XPO7: variants seen among roughly 807,000 people sequenced by gnomAD.
XPO7 encodes exportin-7.
In XPO7, 21 loss-of-function variants were observed where a neutral mutation model predicts 144.3. The ratio of observed to expected loss-of-function variants is 0.15; its 90% CI spans 0.10 to 0.21. XPO7 has a LOEUF of 0.21. XPO7 is among the 10% of genes least tolerant of loss of function. The pLI, the probability that XPO7 is intolerant of heterozygous loss-of-function variation, is 1.00. For missense variants in XPO7, 808 were observed against 1,325.8 expected, an observed-to-expected ratio of 0.61 and a Z score of 6.06; for synonymous variants, 580 against 499.6, an observed-to-expected ratio of 1.16 and a Z score of -2.15.
At chr8:21,927,783 G>A (rs980484634) in intron 1 of XPO7, among the ~76,000 whole-genome samples, 2 of 152,074 alleles carry the variant, frequency 1.3e-5, no homozygotes, top group African/African-American at 4.8e-5. Flanking sequence ...GACCTCAGGT[G>A]ATCCTCCTGT....
At chr8:21,959,946 A>C (rs1413360381) in intron 1 of XPO7, among the ~76,000 whole-genome samples, 3 of 152,204 alleles carry the variant, frequency 2.0e-5, no homozygotes, top group African/African-American at 7.2e-5. Context: ...CTTGTGTTTT[A>C]ACCGAATTTG....
chr8:21,976,074 A>G (rs1050577227), intron 6 of XPO7, among the ~76,000 whole-genome samples: 1 of 152,220 alleles, frequency 6.6e-6, no homozygotes, highest in Admixed American at 6.5e-5. Context: ...CTCTGTGACC[A>G]TTATGTCTAC....
chr8:21,933,634 T>C (rs976297398), intron 1 of XPO7, among the ~76,000 whole-genome samples: 1 of 152,214 alleles, frequency 6.6e-6, no homozygotes, highest in Non-Finnish European at 1.5e-5. Context: ...TTTATTTATA[T>C]GGTGAGTCTA....
chr8:21,947,189 A>G (rs913556256), intron 1 of XPO7, among the ~76,000 whole-genome samples: 8 of 152,242 alleles, frequency 5.3e-5, no homozygotes, highest in African/African-American at 1.9e-4. Context: ...CAAAGCCAAA[A>G]TAAGGGACAG....
chr8:21,943,107 A>G (rs1314949404), intron 1 of XPO7, among the ~76,000 whole-genome samples: 1 of 152,098 alleles, frequency 6.6e-6, no homozygotes, highest in East Asian at 1.9e-4. Flanking sequence ...GCTCTTACAG[A>G]CCTCCTAAGT....
At chr8:21,978,396 G>A (rs900778) in intron 8 of XPO7, among the ~76,000 whole-genome samples, 31,842 of 152,124 alleles carry the variant, frequency 0.21, 4,849 homozygotes, top group African/African-American at 0.43. Context: ...GTAAATTACC[G>A]GTTGGTGTTA....
chr8:21,987,003 A>T, intron 13 of XPO7, 138 bp from the exon 14 acceptor site: 1 of 1,229,392 alleles, frequency 8.1e-7, no homozygotes, highest in Non-Finnish European at 1.1e-6. Flanking sequence ...TGCCTCCCTC[A>T]TTTATGTAGA....
rs367884785 is a variant in XPO7, at chr8:21,984,845, T to A, written c.1471+6T>A. The A allele has an allele frequency of 3.1e-5, 50 of 1,613,092 alleles. No individual in the cohort carries two copies. Among genetic ancestry groups the A allele is most frequent in the Non-Finnish European group, 4.0e-5 (47 of 1,179,754 alleles). ...GGACATTGCAGTGCAGGAGGGTGAG[T>A]GTGCAGCGTGCTGGGAACTCTAGAC... On this transcript the variant is annotated splice_donor_region_variant and intron_variant, in intron 12 of 27. Coordinates refer to ENST00000252512, the MANE Select transcript of XPO7 (RefSeq NM_015024.5).
At chr8:21,954,757 T>C (rs1217120991) in intron 1 of XPO7, among the ~76,000 whole-genome samples, 1 of 152,226 alleles carries the variant, frequency 6.6e-6, no homozygotes, top group African/African-American at 2.4e-5. Context: ...CAGAACTTAA[T>C]GAAGTGAGTT....
At chr8:21,944,216 A>G (rs1811084225) in intron 1 of XPO7, among the ~76,000 whole-genome samples, 1 of 152,194 alleles carries the variant, frequency 6.6e-6, no homozygotes, top group African/African-American at 2.4e-5. Context: ...AGGTAAGGAC[A>G]TTCATTCAGT....
At chr8:21,981,958 T>A (rs999384650) in intron 10 of XPO7, 81 bp downstream of exon 10, 7 of 1,558,778 alleles carry the variant, frequency 4.5e-6, no homozygotes, top group East Asian at 4.5e-5. Context: ...AAGAATATAT[T>A]TTTTTTTCTT....
At chr8:22,004,758 T>C (rs977000086) in intron 27 of XPO7, among the ~76,000 whole-genome samples, 1 of 151,910 alleles carries the variant, frequency 6.6e-6, no homozygotes, top group Non-Finnish European at 1.5e-5. Context: ...CCTACTTCTG[T>C]CAGTGAGATT....
intron 1 of XPO7, among the ~76,000 whole-genome samples, chr8:21,943,630 G>A (rs10866827): frequency 0.58 from 87,896 of 151,970 alleles, 26,143 homozygotes; most frequent in African/African-American, 0.73. Context: ...ACAGAATCCT[G>A]TTTCTTCCCT....
intron 1 of XPO7, among the ~76,000 whole-genome samples, chr8:21,946,582 A>C (rs1186157526): frequency 3.9e-5 from 4 of 101,996 alleles, no homozygotes; most frequent in African/African-American, 1.8e-4. Flanking sequence ...CTGAAAAAAA[A>C]AAACAAAAAA....
At chr8:21,936,750 A>AT (rs1237290884) in intron 1 of XPO7, among the ~76,000 whole-genome samples, 5 of 152,168 alleles carry the variant, frequency 3.3e-5, no homozygotes, top group East Asian at 1.9e-4. Context: ...CCAAACTGGA[A>AT]TTTTTTTATC....
intron 1 of XPO7, among the ~76,000 whole-genome samples, chr8:21,921,791 T>G (rs1810297363): frequency 6.6e-6 from 1 of 152,226 alleles, no homozygotes; most frequent in South Asian, 2.1e-4. Context: ...TCTAAATTAG[T>G]GCTTAGTGGT....
chr8:22,005,146 C>T lies in XPO7; in HGVS notation c.*58C>T, dbSNP rs1401230570. 46 of 1,418,980 alleles carry T rather than the reference C, an allele frequency of 3.2e-5. No individual in the cohort carries two copies. The highest frequency in any genetic ancestry group is 4.3e-5 in the Non-Finnish European group (44 of 1,031,172). 87.9% of individuals were successfully genotyped at this position (1,418,980 alleles called of 1,614,324 possible). On this transcript the variant is annotated 3_prime_UTR_variant, in exon 28 of 28. Coordinates refer to ENST00000252512, the MANE Select transcript of XPO7 (RefSeq NM_015024.5). ...GTCCCTTTGGTTTGGCCCAGAGGGG[C>T]GAACAATTGCAAGGGAGAGGGCCTG...
At chr8:21,928,258 A>G (rs1810528415) in intron 1 of XPO7, among the ~76,000 whole-genome samples, 1 of 152,244 alleles carries the variant, frequency 6.6e-6, no homozygotes, top group Admixed American at 6.5e-5. Flanking sequence ...GTTGCATAGT[A>G]GGAGTGCTTG....
chr8:21,966,616 C>T (rs1199445485), intron 1 of XPO7, among the ~76,000 whole-genome samples: 1 of 124,666 alleles, frequency 8.0e-6, no homozygotes, highest in Non-Finnish European at 1.7e-5. Context: ...TATGATTGAT[C>T]CTCAAGGGAA....
Sources: gnomAD v4.1 joint callset for allele counts (sites outside exome capture counted in the v4.1 genomes callset) on GRCh38, gnomAD v4.1.1 for gene constraint, MANE v1.5 for transcripts, NCBI Gene and HGNC (gene_info 2026-07-23, HGNC 2026-07-21) for gene names.